The following STK32B variants were observed in gnomAD, a reference collection of about 807,000 sequenced individuals.
STK32B encodes the protein serine/threonine kinase 32B, also known as serine/threonine-protein kinase 32B.
Under a neutral mutation model 52.6 loss-of-function variants are expected in STK32B, and 43 were observed. The ratio of observed to expected loss-of-function variants is 0.82; its 90% CI spans 0.64 to 1.05. STK32B has a LOEUF of 1.05. STK32B is among the 50% of genes least tolerant of loss of function. STK32B has a pLI of 0.00. For missense variants in STK32B, 621 were observed against 534.6 expected, an observed-to-expected ratio of 1.16 and a Z score of -1.59; for synonymous variants, 238 against 204.3, an observed-to-expected ratio of 1.17 and a Z score of -1.41.
At chr4:5,433,463 G>T (rs1421400181) in intron 6 of STK32B, among the ~76,000 whole-genome samples, 3 of 152,160 alleles carry the variant, frequency 2.0e-5, no homozygotes, top group Non-Finnish European at 2.9e-5. Flanking sequence ...GTGGAAACTG[G>T]AGACATGGTC....
rs554581830 is a variant in STK32B at position 5,444,037 on chromosome 4, G to T, written c.563-2636G>T. Among the ~76,000 whole-genome samples the T allele has an allele frequency of 2.6e-5, 4 of 152,324 alleles. No individual in the cohort carries two copies. In the East Asian group the frequency reaches 5.8e-4, roughly 22 times the overall value. On this transcript the variant is annotated intron_variant, in intron 6 of 11. Transcript: ENST00000282908. ...GACAGGGACATTTAAGTCTGCAGAG[G>T]TTACTACTGTCTTTTTGTTTGTCTG... is the stretch of plus-strand genomic sequence containing the variant.
At chr4:5,422,329 A>G (rs111993040) in intron 6 of STK32B, among the ~76,000 whole-genome samples, 71 of 152,244 alleles carry the variant, frequency 4.7e-4, no homozygotes, top group African/African-American at 1.3e-3. Context: ...AGGTTTGTTT[A>G]TTTCACTCAC....
chr4:5,246,392 C>T (rs58006074), intron 3 of STK32B, among the ~76,000 whole-genome samples: 9,209 of 152,256 alleles, frequency 0.06, 419 homozygotes, highest in African/African-American at 0.13. Flanking sequence ...GCATTTGTCA[C>T]GTAGTTCTTG....
chr4:5,200,479 G>C (rs1447287), intron 3 of STK32B, among the ~76,000 whole-genome samples: 72,026 of 151,908 alleles, frequency 0.47, 17,259 homozygotes, highest in East Asian at 0.58. Flanking sequence ...GCTCCCAGTT[G>C]CTCCCACATG....
intron 3 of STK32B, among the ~76,000 whole-genome samples, chr4:5,284,440 A>G (rs1027681118): frequency 3.3e-5 from 5 of 152,140 alleles, no homozygotes; most frequent in African/African-American, 1.2e-4. Context: ...AGAAGGAGTG[A>G]TATAGTAAAA....
At chr4:5,183,166 CTGTTTTTTGAAG>C (rs1365452914) in intron 3 of STK32B, among the ~76,000 whole-genome samples, 19 of 152,130 alleles carry the variant, frequency 1.2e-4, no homozygotes, top group Non-Finnish European at 4.4e-5. Flanking sequence ...AAGAGTCGGC[CTGTTTTTTGAAG>C]CTTTAAAACC....
intron 3 of STK32B, among the ~76,000 whole-genome samples, chr4:5,304,772 A>C (rs1157843019): frequency 8.5e-6 from 1 of 118,070 alleles, no homozygotes; most frequent in African/African-American, 5.8e-5. Flanking sequence ...GTTATCGGGG[A>C]GGGGGGGTGC....
chr4:5,172,609 G>A (rs1238194822), intron 3 of STK32B, among the ~76,000 whole-genome samples: 18 of 152,054 alleles, frequency 1.2e-4, no homozygotes, highest in South Asian at 2.1e-4. Flanking sequence ...GCTGGATTAC[G>A]TTTATTGATT....
At chr4:5,114,229 A>G (rs1174257271) in intron 1 of STK32B, among the ~76,000 whole-genome samples, 2 of 151,678 alleles carry the variant, frequency 1.3e-5, no homozygotes, top group South Asian at 2.1e-4. Flanking sequence ...TTCTGCTTGG[A>G]ATAGATTCTC....
intron 8 of STK32B, among the ~76,000 whole-genome samples, 172 bp downstream of exon 8, chr4:5,457,095 G>A (rs937730881): frequency 6.6e-5 from 10 of 152,128 alleles, no homozygotes; most frequent in African/African-American, 1.9e-4. Context: ...ATGGGGGTGC[G>A]TGCAGATCAG....
chr4:5,336,175 C>G (rs1309726595), intron 4 of STK32B, among the ~76,000 whole-genome samples: 1 of 148,602 alleles, frequency 6.7e-6, no homozygotes, highest in Non-Finnish European at 1.5e-5. Flanking sequence ...CACCCACCCA[C>G]ACACACACAA....
chr4:5,100,703 TTCCTTTCTTCCTTCCCTCCTTCCC>T (rs1446314309), intron 1 of STK32B, among the ~76,000 whole-genome samples: 85 of 42,222 alleles, frequency 2.0e-3, no homozygotes, highest in African/African-American at 4.3e-3. Context: ...CTTTCCTTCC[TTCCTTTCTTCCTTCCCTCCTTCCC>T]TTCTTCCTTC....
intron 3 of STK32B, among the ~76,000 whole-genome samples, chr4:5,324,425 A>T (rs1731737761): frequency 6.6e-6 from 1 of 152,186 alleles, no homozygotes; most frequent in African/African-American, 2.4e-5. Flanking sequence ...ATCAGTGTTA[A>T]CTGTTATTAT....
At chr4:5,136,289 T>C (rs1185553239) in intron 1 of STK32B, among the ~76,000 whole-genome samples, 1 of 152,248 alleles carries the variant, frequency 6.6e-6, no homozygotes, top group Non-Finnish European at 1.5e-5. Context: ...ACTGTCCTTG[T>C]GTTTTTGGCA....
At chr4:5,037,016 T>C in the STK32B span, among the ~76,000 whole-genome samples, 1 of 152,150 alleles carries the variant, frequency 6.6e-6, no homozygotes, top group South Asian at 2.1e-4. Flanking sequence ...AGAGTGTGGA[T>C]GCATCCTGTG....
At chr4:5,132,372 C>T (rs1715832142) in intron 1 of STK32B, among the ~76,000 whole-genome samples, 1 of 152,106 alleles carries the variant, frequency 6.6e-6, no homozygotes, top group Non-Finnish European at 1.5e-5. Context: ...AAAAAGCTAC[C>T]TATTAGGAAC....
chr4:5,115,024 T>C (rs2108805474), intron 1 of STK32B, among the ~76,000 whole-genome samples: 1 of 152,310 alleles, frequency 6.6e-6, no homozygotes, highest in East Asian at 1.9e-4. Flanking sequence ...GGAGGGCCCC[T>C]GGAGACATTC....
chr4:5,072,206 CTTTG>C (rs1285450920), intron 1 of STK32B, among the ~76,000 whole-genome samples: 1 of 152,080 alleles, frequency 6.6e-6, no homozygotes, highest in African/African-American at 2.4e-5. Context: ...ACAACTCTGT[CTTTG>C]TTGTTGTTGT....
chr4:5,071,938 A>G (rs1429425685), intron 1 of STK32B, among the ~76,000 whole-genome samples: 2 of 152,154 alleles, frequency 1.3e-5, no homozygotes, highest in Non-Finnish European at 2.9e-5. Flanking sequence ...ACAAAACACA[A>G]GATCAGGCCA....
Sources: allele counts gnomAD v4.1 joint callset (sites outside exome capture counted in the v4.1 genomes callset), GRCh38; gene constraint gnomAD v4.1.1; transcripts MANE v1.5; gene names NCBI Gene and HGNC (gene_info 2026-07-23, HGNC 2026-07-21).